Variants in NR3C2 observed in about 807,000 individuals in gnomAD.
NR3C2 encodes nuclear receptor subfamily 3 group C member 2.
NR3C2 carries 15 observed loss-of-function variants against 86.4 expected under a neutral mutation model. That is an observed-to-expected ratio of 0.17 (90% CI 0.12 to 0.27). The LOEUF is 0.27. Ranked by LOEUF, NR3C2 falls within the 10% of genes least tolerant of loss-of-function variation. The pLI is 1.00. For synonymous variants in NR3C2, 458 were observed against 450.5 expected (o/e 1.02, Z -0.21); for missense variants, 960 against 1,195.6 (o/e 0.80, Z 2.91).
chr4:148,431,617 T>C (rs4835519), intron 2 of NR3C2, among the ~76,000 whole-genome samples: 41,741 of 152,044 alleles, frequency 0.27, 6,579 homozygotes, highest in Middle Eastern at 0.53. Context: ...CACTGGAAAT[T>C]ATTAACAGAT....
intron 2 of NR3C2, among the ~76,000 whole-genome samples, chr4:148,420,078 A>C (rs965738553): frequency 6.6e-6 from 1 of 152,154 alleles, no homozygotes; most frequent in Non-Finnish European, 1.5e-5. Flanking sequence ...TCACGTGAGC[A>C]CACAAGCAAC....
chr4:148,230,220 G>A (rs946949706), intron 3 of NR3C2, among the ~76,000 whole-genome samples: 5 of 152,192 alleles, frequency 3.3e-5, no homozygotes, highest in African/African-American at 9.7e-5. Flanking sequence ...TAGAGACAGC[G>A]TCTTGCTCTG....
intron 3 of NR3C2, among the ~76,000 whole-genome samples, chr4:148,226,401 A>G (rs1013286736): frequency 6.6e-6 from 1 of 152,134 alleles, no homozygotes; most frequent in Admixed American, 6.5e-5. Context: ...TTTTCCCTGA[A>G]AGTTTTTAAG....
At chr4:148,182,754 T>A (rs538181427) in intron 4 of NR3C2, among the ~76,000 whole-genome samples, 1 of 152,240 alleles carries the variant, frequency 6.6e-6, no homozygotes, top group African/African-American at 2.4e-5. Context: ...TAGGCTTTGC[T>A]GCCAGCAACA....
intron 2 of NR3C2, among the ~76,000 whole-genome samples, chr4:148,261,315 A>G (rs112689344): frequency 1.3e-5 from 2 of 148,730 alleles, no homozygotes; most frequent in East Asian, 4.0e-4. Flanking sequence ...GCGCTATGGT[A>G]AGCGCTATGG....
intron 8 of NR3C2, among the ~76,000 whole-genome samples, chr4:148,098,119 C>A (rs370070434): frequency 1.3e-5 from 2 of 152,160 alleles, no homozygotes; most frequent in Non-Finnish European, 2.9e-5. Context: ...TCTGATTAAA[C>A]CTCTCTGCTG....
At chr4:148,101,718 T>G (rs1731544749) in intron 8 of NR3C2, among the ~76,000 whole-genome samples, 1 of 152,236 alleles carries the variant, frequency 6.6e-6, no homozygotes, top group Non-Finnish European at 1.5e-5. Context: ...ATGGGATTTC[T>G]TAGCCAGGCT....
intron 6 of NR3C2, among the ~76,000 whole-genome samples, chr4:148,120,719 G>A (rs2149733889): frequency 6.6e-6 from 1 of 152,276 alleles, no homozygotes; most frequent in South Asian, 2.1e-4. Flanking sequence ...ACGAACATAG[G>A]ATGGGGATGA....
intron 6 of NR3C2, among the ~76,000 whole-genome samples, chr4:148,140,455 G>A (rs1733555353): frequency 6.6e-6 from 1 of 152,132 alleles, no homozygotes; most frequent in Non-Finnish European, 1.5e-5. Context: ...GATTGCCTGA[G>A]CCCAGGAGAT....
intron 2 of NR3C2, among the ~76,000 whole-genome samples, chr4:148,395,515 A>T (rs913624053): frequency 6.6e-6 from 1 of 152,222 alleles, no homozygotes; most frequent in Non-Finnish European, 1.5e-5. Flanking sequence ...AAAGGACTGA[A>T]GCAAATGGCA....
At chr4:148,114,446 T>C (rs948396788) in intron 7 of NR3C2, among the ~76,000 whole-genome samples, 185 bp from the exon 8 acceptor site, 5 of 152,160 alleles carry the variant, frequency 3.3e-5, no homozygotes, top group African/African-American at 1.2e-4. Flanking sequence ...GAACAACTAT[T>C]TATCAGATGT....
chr4:148,149,160 C>T (rs953264745), intron 6 of NR3C2, among the ~76,000 whole-genome samples: 4 of 152,174 alleles, frequency 2.6e-5, no homozygotes, highest in Non-Finnish European at 5.9e-5. Context: ...GAAAGAAACC[C>T]TACAGAAGTC....
chr4:148,373,794 T>A (rs569741875), intron 2 of NR3C2, among the ~76,000 whole-genome samples: 3 of 152,282 alleles, frequency 2.0e-5, no homozygotes, highest in Admixed American at 2.0e-4. Flanking sequence ...ACATTTTTAA[T>A]GTTAAAATTG....
intron 3 of NR3C2, among the ~76,000 whole-genome samples, chr4:148,238,452 TACAAGA>T (rs935777673): frequency 4.5e-4 from 68 of 152,108 alleles, no homozygotes; most frequent in African/African-American, 1.6e-3. Flanking sequence ...CTATCAAAAG[TACAAGA>T]ACAATTTAAA....
chr4:148,193,621 T>A (rs1736306705), intron 4 of NR3C2, among the ~76,000 whole-genome samples: 1 of 152,226 alleles, frequency 6.6e-6, no homozygotes, highest in Non-Finnish European at 1.5e-5. Context: ...TATGTTACAC[T>A]GTATTTTAAA....
At chr4:148,374,536 A>G (rs1478835607) in intron 2 of NR3C2, among the ~76,000 whole-genome samples, 2 of 152,220 alleles carry the variant, frequency 1.3e-5, no homozygotes, top group Non-Finnish European at 2.9e-5. Context: ...GAAACTGTAC[A>G]TGAAAATTCT....
intron 6 of NR3C2, among the ~76,000 whole-genome samples, chr4:148,120,924 C>T (rs1732479673): frequency 6.6e-6 from 1 of 152,176 alleles, no homozygotes; most frequent in Non-Finnish European, 1.5e-5. Context: ...ACACACACAA[C>T]CAAACAATAC....
Position 148,081,345 on chromosome 4 carries a change from C to T in NR3C2, c.2954G>A (p.Ter985=), listed in dbSNP as rs1730546460. 1 of 1,614,228 alleles carries T rather than the reference C, an allele frequency of 6.2e-7. No homozygotes were observed. The change falls in exon 9 of 9, where the codon TGA becomes TAA. Residue 985 remains the stop codon, a stop_retained_variant. Coordinates refer to ENST00000358102, the MANE Select transcript of NR3C2 (RefSeq NM_000901.5). ...NAKPLYFHRK[*] ...AAAGTTCTTCTGGGCAGCGGGCAGT[C>T]ACTTCCGGTGGAAGTAGAGCGGCTT... is the stretch of plus-strand genomic sequence containing the variant.
At chr4:148,357,797 C>T (rs1745622701) in intron 2 of NR3C2, among the ~76,000 whole-genome samples, 1 of 152,124 alleles carries the variant, frequency 6.6e-6, no homozygotes, top group South Asian at 2.1e-4. Context: ...ACAGAGATGT[C>T]AGCCACTTTA....
Sources: gnomAD v4.1 joint callset for allele counts (sites outside exome capture counted in the v4.1 genomes callset) on GRCh38, gnomAD v4.1.1 for gene constraint, MANE v1.5 for transcripts, NCBI Gene and HGNC (gene_info 2026-07-23, HGNC 2026-07-21) for gene names.